Variants in FIRRM observed in about 807,000 individuals in gnomAD.
FIRRM encodes FIGNL1 interacting regulator of recombination and mitosis.
At chr1:169,851,000 TTTTTTTA>T in the FIRRM span, 4 of 54,084 alleles carry the variant, frequency 7.4e-5, no homozygotes, top group Admixed American at 2.0e-4. Context: ...TTTTTTTTTT[TTTTTTTA>T]TTTGGGCAGC....
the FIRRM span, among the ~76,000 whole-genome samples, chr1:169,784,701 G>A: frequency 6.6e-6 from 1 of 152,174 alleles, no homozygotes; most frequent in Non-Finnish European, 1.5e-5. Flanking sequence ...CAAAGGAAAT[G>A]CACAAGTCAC....
At chr1:169,853,811 A>AAATC in the FIRRM span, 84 of 1,592,386 alleles carry the variant, frequency 5.3e-5, no homozygotes, top group Non-Finnish European at 5.9e-5. Context: ...CCACTGAAAC[A>AAATC]AATCATATGC....
chr1:169,825,313 T>G, the FIRRM span, among the ~76,000 whole-genome samples: 517 of 152,354 alleles, frequency 3.4e-3, 1 homozygote, highest in Non-Finnish European at 5.8e-3. Flanking sequence ...CTTCTTGTCT[T>G]TCTTTCCTTG....
At chr1:169,793,853 T>C in the FIRRM span, 1 of 552,470 alleles carries the variant, frequency 1.8e-6, no homozygotes, top group Non-Finnish European at 3.0e-6. Flanking sequence ...TAGAGATATT[T>C]CCAAATGACT....
At chr1:169,796,381 T>G in the FIRRM span, among the ~76,000 whole-genome samples, 2 of 152,264 alleles carry the variant, frequency 1.3e-5, no homozygotes, top group Non-Finnish European at 2.9e-5. Flanking sequence ...CTTCATTAAG[T>G]TGAAAGTCAA....
At chr1:169,811,054 G>A in the FIRRM span, among the ~76,000 whole-genome samples, 2 of 150,932 alleles carry the variant, frequency 1.3e-5, no homozygotes, top group Non-Finnish European at 3.0e-5. Flanking sequence ...TAGAGACGGG[G>A]TTTCACCTTG....
chr1:169,813,393 C>CCACT, the FIRRM span, among the ~76,000 whole-genome samples: 1 of 152,256 alleles, frequency 6.6e-6, no homozygotes. Context: ...TTGGCACTAC[C>CCACT]CACTGTTTTA....
the FIRRM span, among the ~76,000 whole-genome samples, chr1:169,835,666 A>C: frequency 6.6e-6 from 1 of 152,160 alleles, no homozygotes; most frequent in East Asian, 1.9e-4. Flanking sequence ...CCTCAGAATA[A>C]ATCTTGAACT....
the FIRRM span, chr1:169,827,649 A>T: frequency 6.3e-7 from 1 of 1,592,914 alleles, no homozygotes; most frequent in Non-Finnish European, 8.6e-7. Flanking sequence ...AACAAAAAAA[A>T]ATTATTCCTT....
At chr1:169,837,691 G>A in the FIRRM span, among the ~76,000 whole-genome samples, 8 of 152,070 alleles carry the variant, frequency 5.3e-5, no homozygotes, top group Non-Finnish European at 8.8e-5. Context: ...CTAGGCATTG[G>A]GGGTACATCG....
the FIRRM span, among the ~76,000 whole-genome samples, chr1:169,812,515 T>G: frequency 6.6e-6 from 1 of 152,192 alleles, no homozygotes; most frequent in Non-Finnish European, 1.5e-5. Flanking sequence ...TAGAATAAAC[T>G]TTGTGCTTTT....
chr1:169,818,201 T>C, the FIRRM span, among the ~76,000 whole-genome samples: 2 of 152,226 alleles, frequency 1.3e-5, no homozygotes, highest in African/African-American at 4.8e-5. Flanking sequence ...CTTTTACTTA[T>C]GGTGGAAAAC....
the FIRRM span, among the ~76,000 whole-genome samples, chr1:169,810,834 A>AATTT: frequency 1.6e-5 from 1 of 61,208 alleles, no homozygotes; most frequent in East Asian, 5.5e-4. Flanking sequence ...TTAGCCCCCA[A>AATTT]TTTTTTTTTT....
At chr1:169,800,950 C>A in the FIRRM span, 3 of 1,589,124 alleles carry the variant, frequency 1.9e-6, no homozygotes, top group Non-Finnish European at 2.6e-6. Flanking sequence ...AACAGACTTT[C>A]TTTTCACAAG....
chr1:169,819,475 G>A, the FIRRM span, among the ~76,000 whole-genome samples: 1 of 152,298 alleles, frequency 6.6e-6, no homozygotes, highest in South Asian at 2.1e-4. Context: ...ATCAGATAAT[G>A]CAATGCAAAG....
the FIRRM span, chr1:169,793,753 T>C: frequency 6.8e-7 from 1 of 1,469,916 alleles, no homozygotes; most frequent in Admixed American, 2.3e-5. Context: ...TGGATAGAAT[T>C]TGATGATACA....
At chr1:169,807,325 ATCCT>A in the FIRRM span, among the ~76,000 whole-genome samples, 1 of 152,232 alleles carries the variant, frequency 6.6e-6, no homozygotes, top group Non-Finnish European at 1.5e-5. Context: ...ATTCTTTGAT[ATCCT>A]TACCCTAAGA....
the FIRRM span, among the ~76,000 whole-genome samples, chr1:169,838,995 G>A: frequency 1.3e-5 from 2 of 152,014 alleles, no homozygotes; most frequent in Non-Finnish European, 2.9e-5. Context: ...TGAGTGCCCA[G>A]TGTTTAGCTC....
the FIRRM span, chr1:169,796,078 A>C: frequency 1.9e-6 from 1 of 521,762 alleles, no homozygotes; most frequent in Non-Finnish European, 2.5e-6. Context: ...ACTTGAGAGA[A>C]TCTCAATACT....
Sources: allele counts gnomAD v4.1 joint callset (sites outside exome capture counted in the v4.1 genomes callset), GRCh38; gene constraint gnomAD v4.1.1; transcripts MANE v1.5; gene names NCBI Gene and HGNC (gene_info 2026-07-23, HGNC 2026-07-21).